CSMD3: variants seen among roughly 807,000 people sequenced by gnomAD.
The protein encoded by CSMD3 is CUB and sushi domain-containing protein 3.
In CSMD3, 177 loss-of-function variants were observed where a neutral mutation model predicts 435.2. The ratio of observed to expected loss-of-function variants is 0.41; its 90% CI spans 0.36 to 0.46. The LOEUF is 0.46. Ranked by LOEUF, CSMD3 falls within the 20% of genes least tolerant of loss-of-function variation. CSMD3 has a pLI of 0.34. For synonymous variants in CSMD3, 1,656 were observed against 1,520.5 expected (o/e 1.09, Z -2.07); for missense variants, 4,265 against 4,504.6 (o/e 0.95, Z 1.52).
intron 3 of CSMD3, among the ~76,000 whole-genome samples, chr8:113,264,396 ATATT>A (rs2093451148): frequency 7.4e-6 from 1 of 134,844 alleles, no homozygotes; most frequent in Admixed American, 7.0e-5. Context: ...ACATTCAACT[ATATT>A]TATATATATA....
chr8:113,202,226 C>T (rs965405374), intron 3 of CSMD3, among the ~76,000 whole-genome samples: 5 of 152,086 alleles, frequency 3.3e-5, no homozygotes, highest in African/African-American at 1.2e-4. Flanking sequence ...TATATAGCAG[C>T]TCTTGGAAGT....
At chr8:113,354,890 G>C (rs2094211702) in intron 1 of CSMD3, among the ~76,000 whole-genome samples, 3 of 151,884 alleles carry the variant, frequency 2.0e-5, no homozygotes, top group South Asian at 2.1e-4. Context: ...CCACCGACCT[G>C]GGCCTTCCAA....
At chr8:113,404,875 C>A (rs948252650) in intron 1 of CSMD3, among the ~76,000 whole-genome samples, 2 of 151,424 alleles carry the variant, frequency 1.3e-5, no homozygotes, top group Non-Finnish European at 1.5e-5. Context: ...AACAAAGTGA[C>A]ACTTGTTTCA....
intron 59 of CSMD3, among the ~76,000 whole-genome samples, chr8:112,268,422 A>G (rs549419426): frequency 2.1e-4 from 32 of 152,330 alleles, no homozygotes; most frequent in Non-Finnish European, 4.0e-4. Flanking sequence ...TAGTCAATCT[A>G]TGCCGCTTTA....
chr8:113,164,386 T>G (rs1201515730), intron 4 of CSMD3, among the ~76,000 whole-genome samples: 9 of 149,162 alleles, frequency 6.0e-5, no homozygotes, highest in African/African-American at 2.2e-4. Context: ...GAGCAGTAAA[T>G]GGAAATTGCC....
intron 27 of CSMD3, among the ~76,000 whole-genome samples, chr8:112,520,157 G>C (rs1563650726): frequency 6.6e-6 from 1 of 151,880 alleles, no homozygotes; most frequent in Non-Finnish European, 1.5e-5. Context: ...CTAAGAAAGA[G>C]AAACTTTAAA....
chr8:112,228,834 C>T lies in CSMD3; in HGVS notation c.10886G>A (p.Ser3629Asn), dbSNP rs1403659376. 3 of 1,590,602 alleles carry T rather than the reference C, an allele frequency of 1.9e-6. No individual in the cohort carries two copies. The highest frequency in any genetic ancestry group is 1.3e-5 in the African/African-American group (1 of 74,254). Reference sequence around the variant, plus strand: ...CACAAGAATAGCAATGGCTACAGAACTACTATTTGTACCATGAGGTTGATT... The same window carrying T: ...CACAAGAATAGCAATGGCTACAGAATTACTATTTGTACCATGAGGTTGATT... ...SSNQPHGTNSSSVAIAILVPF... is the reference protein window; with the variant it reads ...SSNQPHGTNSNSVAIAILVPF... Residue 3629 changes from serine to asparagine, a missense_variant, in exon 70 of 71, where the codon AGT (serine) becomes AAT (asparagine). Physicochemically the swap from Ser to Asn is conservative, Grantham distance 46. Around this residue, in one of 3 missense-constraint regions of CSMD3, gnomAD observed 3,255 missense variants for 3,380.2 expected, o/e 0.96. Coordinates refer to ENST00000297405, the MANE Select transcript of CSMD3 (RefSeq NM_198123.2).
At chr8:113,280,465 T>C (rs1010759096) in intron 2 of CSMD3, among the ~76,000 whole-genome samples, 2 of 152,020 alleles carry the variant, frequency 1.3e-5, no homozygotes, top group Non-Finnish European at 2.9e-5. Context: ...GTGTTCACAG[T>C]AGCCTTGAAC....
chr8:112,647,282 A>G (rs1316368806), intron 19 of CSMD3, among the ~76,000 whole-genome samples: 1 of 149,814 alleles, frequency 6.7e-6, no homozygotes, highest in Non-Finnish European at 1.5e-5. Flanking sequence ...GATTCATTTA[A>G]TCCTGTCATT....
intron 41 of CSMD3, among the ~76,000 whole-genome samples, chr8:112,343,495 A>C (rs1228662223): frequency 6.6e-6 from 1 of 152,126 alleles, no homozygotes; most frequent in Non-Finnish European, 1.5e-5. Context: ...ACCTCAGGCC[A>C]GTCACACAGT....
At chr8:113,064,464 T>A (rs1419035822) in intron 5 of CSMD3, among the ~76,000 whole-genome samples, 1 of 152,104 alleles carries the variant, frequency 6.6e-6, no homozygotes, top group African/African-American at 2.4e-5. Flanking sequence ...ATGCAAAACT[T>A]GGGGTTTTTT....
At chr8:112,957,233 TA>T (rs2084053981) in intron 7 of CSMD3, among the ~76,000 whole-genome samples, 1 of 152,196 alleles carries the variant, frequency 6.6e-6, no homozygotes, top group Admixed American at 6.6e-5. Flanking sequence ...TGAGTGCTTC[TA>T]ATGACCATAT....
At chr8:112,419,286 C>A (rs752596493) in intron 32 of CSMD3, among the ~76,000 whole-genome samples, 4 of 152,108 alleles carry the variant, frequency 2.6e-5, no homozygotes, top group Non-Finnish European at 5.9e-5. Context: ...AATGCTGGGG[C>A]CAATCCTGCC....
chr8:112,475,372 T>C (rs1376657215), intron 31 of CSMD3, among the ~76,000 whole-genome samples: 1 of 152,146 alleles, frequency 6.6e-6, no homozygotes, highest in East Asian at 1.9e-4. Context: ...AAATATACTA[T>C]GAGGTTGTAA....
chr8:113,184,092 C>T (rs1475932404), intron 3 of CSMD3, among the ~76,000 whole-genome samples: 1 of 151,946 alleles, frequency 6.6e-6, no homozygotes, highest in East Asian at 1.9e-4. Context: ...GGGAGACTCA[C>T]AGAACTTAAG....
chr8:112,359,405 C>T (rs1456031641), intron 38 of CSMD3, among the ~76,000 whole-genome samples: 1 of 152,054 alleles, frequency 6.6e-6, no homozygotes, highest in Non-Finnish European at 1.5e-5. Context: ...ATATTTATCT[C>T]CCATCTGAGA....
At chr8:112,829,828 G>A (rs765983141) in intron 11 of CSMD3, 39 bp from the exon 12 acceptor site, 58 of 1,101,106 alleles carry the variant, frequency 5.3e-5, no homozygotes, top group Middle Eastern at 3.9e-4. Context: ...AATATACTGC[G>A]TTGTGCAATA....
intron 36 of CSMD3, among the ~76,000 whole-genome samples, chr8:112,385,758 C>G (rs116982791): frequency 6.6e-6 from 1 of 152,026 alleles, no homozygotes; most frequent in Non-Finnish European, 1.5e-5. Context: ...AATTTATTTT[C>G]TTTTCTGTTA....
chr8:112,382,545 T>C (rs1161128871), intron 37 of CSMD3, among the ~76,000 whole-genome samples: 2 of 152,168 alleles, frequency 1.3e-5, no homozygotes, highest in Non-Finnish European at 2.9e-5. Context: ...TTTCAGCATA[T>C]CTGAATTGAG....
Sources: gnomAD v4.1 joint callset for allele counts (sites outside exome capture counted in the v4.1 genomes callset) on GRCh38, gnomAD v4.1.1 for gene constraint, gnomAD v4.1.1 regional missense constraint, MANE v1.5 for transcripts, NCBI Gene and HGNC (gene_info 2026-07-23, HGNC 2026-07-21) for gene names.